The following TLR2 variants were observed in gnomAD, a reference collection of about 807,000 sequenced individuals.
TLR2 encodes the protein toll like receptor 2.
Under a neutral mutation model 9.1 loss-of-function variants are expected in TLR2, and 7 were observed. The observed-to-expected ratio is 0.77, with a 90% confidence interval of 0.44 to 1.44. The LOEUF (loss-of-function observed/expected upper bound fraction) is 1.44. Among genes scored for constraint, TLR2 ranks in the 40% most tolerant of loss-of-function variants. The pLI is 0.01. For missense variants in TLR2, 812 were observed against 904.6 expected (o/e 0.90, Z 1.31); for synonymous variants, 317 against 344.6 (o/e 0.92, Z 0.89).
At chr4:153,700,505 A>G (rs1252834643) in intron 2 of TLR2, among the ~76,000 whole-genome samples, 1 of 152,192 alleles carries the variant, frequency 6.6e-6, no homozygotes, top group Non-Finnish European at 1.5e-5. Context: ...ATAGTTCCCA[A>G]ATTGTTCTAT....
At chr4:153,702,421 G>A (rs920796357) in intron 2 of TLR2, 4 of 153,428 alleles carry the variant, frequency 2.6e-5, no homozygotes, top group African/African-American at 9.7e-5. Flanking sequence ...ACTATAGTTT[G>A]GTTCTGTGAG....
At chr4:153,685,861 C>T (rs935976046) in intron 1 of TLR2, among the ~76,000 whole-genome samples, 3 of 152,156 alleles carry the variant, frequency 2.0e-5, no homozygotes, top group Non-Finnish European at 4.4e-5. Flanking sequence ...GTCACAGTCC[C>T]TTGGGTGCTG....
At position 153,703,249 on chromosome 4, in the gene TLR2, T is replaced by C; in HGVS notation, c.342T>C (p.Asn114=). Residue 114 remains asparagine (N), a synonymous_variant, in exon 3 of 3, where the codon AAT becomes AAC. Transcript: ENST00000642700. ...HLDLSYNYLS[N]LSSSWFKPLS... ...ACTTATCCTATAATTACTTATCTAA[T>C]TTATCGTCTTCCTGGTTCAAGCCCC... 1.2e-6 allele frequency: 2 copies of C among 1,613,872 alleles called. No homozygotes were observed. The highest frequency in any genetic ancestry group is 1.7e-6 in the Non-Finnish European group (2 of 1,179,968).
Position 153,703,412 on chromosome 4 carries a change from G to A in TLR2, c.505G>A (p.Asp169Asn), listed in dbSNP as rs895243188. Reference sequence around the variant, plus strand: ...CACCTTCACTAAGATTCAAAGAAAAGATTTTGCTGGACTTACCTTCCTTGA... The same window carrying A: ...CACCTTCACTAAGATTCAAAGAAAAAATTTTGCTGGACTTACCTTCCTTGA... ...MDTFTKIQRKDFAGLTFLEEL... is the reference protein window; with the variant it reads ...MDTFTKIQRKNFAGLTFLEEL... The change falls in exon 3 of 3, where the codon GAT (aspartate) becomes AAT (asparagine). Residue 169 changes from aspartate (D) to asparagine (N), a missense_variant. Asp to Asn is a conservative substitution (Grantham distance 23). Transcript: ENST00000642700. The A allele has an allele frequency of 6.2e-7, 1 of 1,614,082 alleles. No individual in the cohort carries two copies. Among genetic ancestry groups the A allele is most frequent in the Admixed American group, 1.7e-5 (1 of 60,000 alleles).
At chr4:153,695,346 G>C (rs1736417698) in intron 2 of TLR2, among the ~76,000 whole-genome samples, 1 of 152,132 alleles carries the variant, frequency 6.6e-6, no homozygotes. Context: ...TTTATTGCCT[G>C]TCTTTTGGAT....
chr4:153,709,778 G>T (rs74695302), downstream of TLR2, among the ~76,000 whole-genome samples: 397 of 152,340 alleles, frequency 2.6e-3, 1 homozygote, highest in African/African-American at 9.1e-3. Context: ...GCTGTTGCAT[G>T]GGTTTGAGCA....
rs781494587 is a variant in TLR2 at position 153,704,477 on chromosome 4, A to C, written c.1570A>C (p.Thr524Pro). ...TAAGGAGCAACTTGACTCATTTCAC[A>C]CACTGAAGACTTTGGAAGCTGGTGG... ...FSKEQLDSFHTLKTLEAGGNN... is the reference protein window; with the variant it reads ...FSKEQLDSFHPLKTLEAGGNN... Residue 524 changes from threonine (T) to proline (P), a missense_variant, in exon 3 of 3, where the codon ACA becomes CCA. Physicochemically the swap from Thr to Pro is conservative, Grantham distance 38. Transcript: ENST00000642700. 1.2e-6 allele frequency: 2 copies of C among 1,614,110 alleles called. No homozygotes were observed. Among genetic ancestry groups the C allele is most frequent in the South Asian group, 2.2e-5 (2 of 91,072 alleles).
rs74944536 is a variant in TLR2, at chr4:153,685,292, G to C, written c.-163+932G>C. Among the ~76,000 whole-genome samples, 115 of 152,298 alleles carry C rather than the reference G, an allele frequency of 7.6e-4. No homozygotes were observed. The East Asian group carries it at 0.019, about 25-fold the overall frequency. ...ACTTGTGTTTAGAACTTAAATGCAA[G>C]CCAGGAAAGTCTTTTTCCTGTTTGA... is the stretch of plus-strand genomic sequence containing the variant. On this transcript the variant is annotated intron_variant, in intron 1 of 2. Coordinates refer to ENST00000642700, the MANE Select transcript of TLR2 (RefSeq NM_001318789.2).
intron 1 of TLR2, among the ~76,000 whole-genome samples, chr4:153,686,065 C>T (rs538802840): frequency 3.9e-5 from 6 of 152,292 alleles, no homozygotes; most frequent in South Asian, 4.2e-4. Flanking sequence ...ATAACAAACT[C>T]ATTCTCACAA....
chr4:153,688,942 G>A (rs1337213535), intron 2 of TLR2, among the ~76,000 whole-genome samples: 1 of 152,206 alleles, frequency 6.6e-6, no homozygotes. Flanking sequence ...GCTACTTCTT[G>A]CAGGAGTCGG....
chr4:153,709,981 C>T (rs1171721552), downstream of TLR2: 1 of 156,488 alleles, frequency 6.4e-6, no homozygotes, highest in African/African-American at 2.4e-5. Context: ...AACGACTCCA[C>T]CTACTTTAAA....
rs560160650 is a variant in TLR2, at chr4:153,702,688, T to C, written c.-16-204T>C. 101 of 555,642 alleles carry C rather than the reference T, an allele frequency of 1.8e-4. No individual in the cohort carries two copies. The Middle Eastern group carries it at 1.9e-3, about 10-fold the overall frequency. 34.4% of individuals were successfully genotyped at this position (555,642 alleles called of 1,614,324 possible). Reference sequence around the variant, plus strand: ...GGTTGTATGTCTGTGTTAGCATTGCTGAATGTATCAGGGAATTCATTTTTT... The same window carrying C: ...GGTTGTATGTCTGTGTTAGCATTGCCGAATGTATCAGGGAATTCATTTTTT... On this transcript the variant is annotated intron_variant, in intron 2 of 2. Transcript: ENST00000642700.
chr4:153,691,883 T>G (rs1736146177), intron 2 of TLR2, among the ~76,000 whole-genome samples: 1 of 152,194 alleles, frequency 6.6e-6, no homozygotes, highest in African/African-American at 2.4e-5. Flanking sequence ...TCAGGAGCTA[T>G]ATAATTAAAC....
intron 2 of TLR2, among the ~76,000 whole-genome samples, chr4:153,695,714 G>T (rs1736443488): frequency 6.6e-6 from 1 of 152,126 alleles, no homozygotes; most frequent in Non-Finnish European, 1.5e-5. Flanking sequence ...TGCTTTGGTT[G>T]CCTATGCTTG....
intron 2 of TLR2, among the ~76,000 whole-genome samples, chr4:153,695,705 G>A (rs1268737527): frequency 2.0e-5 from 3 of 152,010 alleles, no homozygotes; most frequent in Non-Finnish European, 4.4e-5. Flanking sequence ...GCTCATTTTT[G>A]CTTTGGTTGC....
chr4:153,695,731 A>T (rs1736445729), intron 2 of TLR2, among the ~76,000 whole-genome samples: 1 of 152,172 alleles, frequency 6.6e-6, no homozygotes, highest in Non-Finnish European at 1.5e-5. Context: ...CTTGTGGGGT[A>T]TGACTTAAGA....
At chr4:153,708,759 C>CG (rs1453730365), downstream of TLR2, among the ~76,000 whole-genome samples, 1 of 152,010 alleles carries the variant, frequency 6.6e-6, no homozygotes, top group African/African-American at 2.4e-5. Flanking sequence ...GATATGAACA[C>CG]GGGGGGATCC....
At chr4:153,702,804 GTGTT>G in intron 2 of TLR2, 84 bp from the exon 3 acceptor site, 2 of 661,994 alleles carry the variant, frequency 3.0e-6, no homozygotes, top group South Asian at 1.8e-5. Flanking sequence ...GTGTGTGTGT[GTGTT>G]ATGCCTAGAA....
In TLR2 at chr4:153,703,940, A is replaced by G; in HGVS notation, c.1033A>G (p.Asn345Asp). 1 of 1,612,412 alleles carries G rather than the reference A, an allele frequency of 6.2e-7. No homozygotes were observed. The highest frequency in any genetic ancestry group is 8.5e-7 in the Non-Finnish European group (1 of 1,179,638). ...TERVKRITVE[N>D]SKVFLVPCLL... The stretch of plus-strand genomic sequence containing the variant: ...AAGAGTTAAAAGAATCACAGTAGAA[A>G]ACAGTAAAGTTTTTCTGGTTCCTTG... Residue 345 changes from asparagine (N) to aspartate (D), a missense_variant, in exon 3 of 3, where the codon AAC (asparagine) becomes GAC (aspartate). Transcript: ENST00000642700.
Sources: gnomAD v4.1 joint callset for allele counts (sites outside exome capture counted in the v4.1 genomes callset) on GRCh38, gnomAD v4.1.1 for gene constraint, MANE v1.5 for transcripts, NCBI Gene and HGNC (gene_info 2026-07-23, HGNC 2026-07-21) for gene names.